TRPC7: variants seen among roughly 807,000 people sequenced by gnomAD.
The protein encoded by TRPC7 is short transient receptor potential channel 7.
A neutral mutation model predicts 90.1 loss-of-function variants in TRPC7; 42 were observed. The observed-to-expected ratio is 0.47, with a 90% CI of 0.36 to 0.60. TRPC7 has a LOEUF of 0.60. Among genes scored for constraint, TRPC7 ranks in the 20% least tolerant of loss-of-function variants. The pLI is 0.00. For synonymous variants in TRPC7, 451 were observed against 436.3 expected, an observed-to-expected ratio of 1.03 and a Z score of -0.42; for missense variants, 955 against 1,112.3, an observed-to-expected ratio of 0.86 and a Z score of 2.01.
intron 3 of TRPC7, among the ~76,000 whole-genome samples, chr5:136,284,214 T>G (rs1757637330): frequency 1.3e-5 from 2 of 152,224 alleles, no homozygotes; most frequent in Non-Finnish European, 2.9e-5. Flanking sequence ...ATATTCAGCA[T>G]TCAACGGTAA....
In TRPC7 at chr5:136,279,231, A is replaced by G. The variant is rs573173626; in HGVS notation, c.964-4394T>C. ...CTAGACCAAGAGAGATTACTTACACAAATGACCTTAATTGTTGGGTTGCTC... is the reference window on the plus strand; with the variant it reads ...CTAGACCAAGAGAGATTACTTACACGAATGACCTTAATTGTTGGGTTGCTC... On this transcript the variant is annotated intron_variant, in intron 3 of 11. Transcript: ENST00000513104. Among the ~76,000 whole-genome samples the G allele has an allele frequency of 7.9e-5, 12 of 152,288 alleles. No individual in the cohort carries two copies. In the South Asian group the frequency reaches 2.3e-3, roughly 29 times the overall value.
At chr5:136,266,771 A>G (rs1757046506) in intron 4 of TRPC7, among the ~76,000 whole-genome samples, 1 of 152,224 alleles carries the variant, frequency 6.6e-6, no homozygotes, top group African/African-American at 2.4e-5. Flanking sequence ...AAAGTTCACA[A>G]TTTTAAAAAA....
chr5:136,349,528 G>A (rs1339656199), intron 2 of TRPC7, among the ~76,000 whole-genome samples: 4 of 152,172 alleles, frequency 2.6e-5, no homozygotes, highest in Admixed American at 6.5e-5. Context: ...AAGAAGTTAT[G>A]TATTTTTTAT....
rs1051583635 is a variant in TRPC7 at position 136,212,867 on chromosome 5, C to T, written c.*568G>A. Reference sequence around the variant, plus strand: ...GTTGTTTTCTAAACAGTGCTACCTACAGTACAGTTTTCAATTTAGGATTTT... The same window carrying T: ...GTTGTTTTCTAAACAGTGCTACCTATAGTACAGTTTTCAATTTAGGATTTT... On this transcript the variant is annotated 3_prime_UTR_variant, in exon 12 of 12. Transcript: ENST00000513104. Among the ~76,000 whole-genome samples, 1 of 152,180 alleles carries T rather than the reference C, an allele frequency of 6.6e-6. No individual in the cohort carries two copies. The highest frequency in any genetic ancestry group is 2.4e-5 in the African/African-American group (1 of 41,436).
At chr5:136,362,536 AT>A (rs1438940570) in intron 1 of TRPC7, among the ~76,000 whole-genome samples, 1 of 152,180 alleles carries the variant, frequency 6.6e-6, no homozygotes, top group African/African-American at 2.4e-5. Flanking sequence ...ATGCATTATC[AT>A]TTTAAGTTCT....
At position 136,359,774 on chromosome 5, in the gene TRPC7, G is replaced by GCACACA. The variant is rs56100973; in HGVS notation, c.3-2395_3-2390dup. Among the ~76,000 whole-genome samples, 100 of 149,536 alleles carry GCACACA rather than the reference G, an allele frequency of 6.7e-4. No homozygotes were observed. The East Asian group carries it at 0.016, about 25-fold the overall frequency. On this transcript the variant is annotated intron_variant, in intron 1 of 11. Coordinates refer to ENST00000513104, the MANE Select transcript of TRPC7 (RefSeq NM_020389.3). ...CTCAGTTTCAAGGCCTGTCATCTGG[G>GCACACA]CACACACACACACACACACACAGGT...
chr5:136,248,067 T>C (rs1423960272), intron 6 of TRPC7, among the ~76,000 whole-genome samples: 1 of 152,188 alleles, frequency 6.6e-6, no homozygotes, highest in East Asian at 1.9e-4. Context: ...TGTGCTCTCA[T>C]TGTATCCTGT....
chr5:136,251,696 G>A lies in TRPC7; in HGVS notation c.1532C>T (p.Thr511Met), dbSNP rs762550006. 2.5e-6 allele frequency: 4 copies of A among 1,613,526 alleles called. No homozygotes were observed. Among genetic ancestry groups the A allele is most frequent in the East Asian group, 2.2e-5 (1 of 44,838 alleles). Residue 511 changes from threonine to methionine, a missense_variant, in exon 6 of 12, where the codon ACG becomes ATG. Thr to Met is a moderately conservative substitution (Grantham distance 81). Around this residue, in one of 4 missense-constraint regions of TRPC7, gnomAD observed 484 missense variants for 509.6 expected, o/e 0.95. Transcript: ENST00000513104. ...LYVDQHVQDD[T>M]LHNVSLPPEV... is the part of the protein sequence containing the mutation. The stretch of plus-strand genomic sequence containing the variant: ...CGGCGGAAGCGAGACATTGTGCAGC[G>A]TGTCGTCCTGCACGTGCTGGTCCAC...
At chr5:136,301,975 A>C (rs1241881037) in intron 3 of TRPC7, among the ~76,000 whole-genome samples, 2 of 152,228 alleles carry the variant, frequency 1.3e-5, no homozygotes, top group East Asian at 3.9e-4. Flanking sequence ...CACCAATTTC[A>C]AATCCAGTAA....
In TRPC7 at chr5:136,353,478, C is replaced by T. The variant is rs149386517; in HGVS notation, c.780+3130G>A. Among the ~76,000 whole-genome samples the T allele has an allele frequency of 1.3e-3, 205 of 152,256 alleles. 2 individuals are homozygous for T. The highest frequency in any genetic ancestry group is 4.8e-3 in the African/African-American group (199 of 41,562). On this transcript the variant is annotated intron_variant, in intron 2 of 11. Coordinates refer to ENST00000513104, the MANE Select transcript of TRPC7 (RefSeq NM_020389.3). Reference sequence around the variant, plus strand: ...CATAATATGTGACTACAAGCAGCAACGTGTGGTCCCTTGAAAGCAGAACAG... The same window carrying T: ...CATAATATGTGACTACAAGCAGCAATGTGTGGTCCCTTGAAAGCAGAACAG...
At position 136,357,242 on chromosome 5, in the gene TRPC7, T is replaced by C. The variant is rs895167657; in HGVS notation, c.146A>G (p.Asp49Gly). Residue 49 changes from aspartate to glycine, a missense_variant, in exon 2 of 12, where the codon GAC becomes GGC. Transcript: ENST00000513104. ...CGGGATGTTGCCATACTCAGCCGAG[T>C]CCAGGAAGCGCTCCTCCTCGGGCGT... The part of the protein sequence containing the change: ...SLTPEEERFL[D>G]SAEYGNIPVV... 3.1e-6 allele frequency: 5 copies of C among 1,613,602 alleles called. No homozygotes were observed. The African/African-American group carries it at 6.7e-5, about 22-fold the overall frequency.
chr5:136,359,988 C>T (rs557313366), intron 1 of TRPC7, among the ~76,000 whole-genome samples: 4 of 152,026 alleles, frequency 2.6e-5, no homozygotes, highest in Admixed American at 1.3e-4. Flanking sequence ...AGCAGCTGTC[C>T]GAGAAGAAGC....
Position 136,213,475 on chromosome 5 carries a change from T to C in TRPC7, c.2549A>G (p.Asn850Ser). ...CTTGTTCACCCTCAGGTGGTCTTTG[T>C]TTAAGTTCTTTCCAAACTTCTCGCT... ...QLSEKFGKNL[N>S]KDHLRVNKGK... is the part of the protein sequence containing the mutation. Residue 850 changes from asparagine (N) to serine (S), a missense_variant, in exon 12 of 12, where the codon AAC becomes AGC. Physicochemically the swap from Asn to Ser is conservative, Grantham distance 46. Around this residue, in one of 4 missense-constraint regions of TRPC7, gnomAD observed 296 missense variants for 422.7 expected, o/e 0.70. Coordinates refer to ENST00000513104, the MANE Select transcript of TRPC7 (RefSeq NM_020389.3). 6.2e-7 allele frequency: 1 copy of C among 1,614,014 alleles called. No homozygotes were observed. The highest frequency in any genetic ancestry group is 8.5e-7 in the Non-Finnish European group (1 of 1,179,880).
rs1580986381 is a variant in TRPC7 at position 136,351,407 on chromosome 5, G to T, written c.780+5201C>A. 4.6e-5 allele frequency among the ~76,000 whole-genome samples: 7 copies of T among 152,346 alleles called. No individual in the cohort carries two copies. In the South Asian group the frequency reaches 1.4e-3, roughly 32 times the overall value. ...GGCATTTGTTTATACTACCAGCCAAGCTTTCAAACTTCAAGGAAATGTATA... is the reference window on the plus strand; with the variant it reads ...GGCATTTGTTTATACTACCAGCCAATCTTTCAAACTTCAAGGAAATGTATA... On this transcript the variant is annotated intron_variant, in intron 2 of 11. Coordinates refer to ENST00000513104, the MANE Select transcript of TRPC7 (RefSeq NM_020389.3).
intron 3 of TRPC7, among the ~76,000 whole-genome samples, chr5:136,290,967 AG>A (rs1281636063): frequency 2.0e-5 from 3 of 152,248 alleles, no homozygotes; most frequent in Non-Finnish European, 2.9e-5. Context: ...GCAAGCCAGA[AG>A]AGAATGGGGG....
Position 136,247,381 on chromosome 5 carries a change from C to T in TRPC7, c.1844+90G>A, listed in dbSNP as rs2149803912. On this transcript the variant is annotated intron_variant, in intron 7 of 11. Transcript: ENST00000513104. The surrounding 1 kb of genome is among the most constrained non-coding windows in gnomAD (Gnocchi z 4.2). ...ACCTTGAGAGATAGCAAGGAAACAG[C>T]AGTCTCTGCAAGAAGCCACCTTCAG... 6 of 1,373,934 alleles carry T rather than the reference C, an allele frequency of 4.4e-6. No homozygotes were observed. The South Asian group carries it at 4.4e-5, about 10-fold the overall frequency. The allele number at this position is 1,373,934 out of a possible 1,614,324, so 85.1% of individuals were successfully genotyped here.
chr5:136,292,493 C>G (rs1404609194), intron 3 of TRPC7, among the ~76,000 whole-genome samples: 1 of 152,132 alleles, frequency 6.6e-6, no homozygotes, highest in African/African-American at 2.4e-5. Context: ...ATACAAACTA[C>G]CATCAGAGAA....
intron 6 of TRPC7, among the ~76,000 whole-genome samples, chr5:136,251,400 C>G (rs1185597856): frequency 6.6e-6 from 1 of 152,198 alleles, no homozygotes; most frequent in African/African-American, 2.4e-5. Flanking sequence ...ACCCTTAACA[C>G]AAAAAGATTC....
At chr5:136,271,619 G>A (rs1027648319) in intron 4 of TRPC7, among the ~76,000 whole-genome samples, 4 of 152,210 alleles carry the variant, frequency 2.6e-5, no homozygotes, top group African/African-American at 9.6e-5. Context: ...CATCCATAGG[G>A]ATTAGAATTC....
Sources: allele counts gnomAD v4.1 joint callset (sites outside exome capture counted in the v4.1 genomes callset), GRCh38; gene constraint gnomAD v4.1.1; regional missense constraint gnomAD v4.1.1; non-coding constraint Gnocchi (gnomAD v3.1); transcripts MANE v1.5; gene names NCBI Gene and HGNC (gene_info 2026-07-23, HGNC 2026-07-21).